ATP6V1E1: variants seen among roughly 807,000 people sequenced by gnomAD.
ATP6V1E1 encodes V-type proton ATPase subunit E 1.
ATP6V1E1 carries 21 observed loss-of-function variants against 35.2 expected under a neutral mutation model. The observed-to-expected ratio is 0.60, with a 90% CI of 0.42 to 0.86. The LOEUF is 0.86. Among genes scored for constraint, ATP6V1E1 ranks in the 40% least tolerant of loss-of-function variants. The pLI, the probability that ATP6V1E1 is intolerant of heterozygous loss-of-function variation, is 0.00. For missense variants in ATP6V1E1, 183 were observed against 272.6 expected (o/e 0.67, Z 2.32); for synonymous variants, 83 against 87.8 (o/e 0.95, Z 0.30).
chr22:17,607,856 A>C (rs1322248091), intron 4 of ATP6V1E1, among the ~76,000 whole-genome samples: 2 of 152,150 alleles, frequency 1.3e-5, no homozygotes, highest in African/African-American at 4.8e-5. Context: ...TTTTATGCCC[A>C]TTAAAGTTAG....
intron 4 of ATP6V1E1, among the ~76,000 whole-genome samples, chr22:17,610,846 A>T (rs989649191): frequency 6.6e-6 from 1 of 152,248 alleles, no homozygotes; most frequent in Admixed American, 6.5e-5. Flanking sequence ...GTGGAGACGG[A>T]GATGGGGTTG....
intron 1 of ATP6V1E1, among the ~76,000 whole-genome samples, chr22:17,622,524 G>C (rs1017727056): frequency 6.6e-6 from 1 of 152,184 alleles, no homozygotes; most frequent in African/African-American, 2.4e-5. Flanking sequence ...GGGAGGGATA[G>C]CATTAGGAGA....
intron 1 of ATP6V1E1, among the ~76,000 whole-genome samples, chr22:17,622,034 G>C (rs1168552321): frequency 6.6e-6 from 1 of 152,136 alleles, no homozygotes; most frequent in Non-Finnish European, 1.5e-5. Context: ...ATCATCTCTT[G>C]TGGCAGATAT....
At chr22:17,595,520 T>C (rs913733324) in intron 7 of ATP6V1E1, among the ~76,000 whole-genome samples, 3 of 152,198 alleles carry the variant, frequency 2.0e-5, no homozygotes, top group African/African-American at 4.8e-5. Flanking sequence ...CACGACTGCA[T>C]GTGTGTCTGA....
chr22:17,601,146 C>T lies in ATP6V1E1; in HGVS notation c.312G>A (p.Lys104=), dbSNP rs1327612981. Residue 104 remains lysine, a synonymous_variant, in exon 5 of 9, where the codon AAG becomes AAA. Transcript: ENST00000253413. The part of the protein sequence containing the change: ...LLNEAKQRLS[K]VVKDTTRYQV... ...GGTACCTGGTTGTATCTTTTACCACCTTGCTGAGTCTCTGTTTTGCTTCAT... is the reference window on the plus strand; with the variant it reads ...GGTACCTGGTTGTATCTTTTACCACTTTGCTGAGTCTCTGTTTTGCTTCAT... 2 of 1,613,610 alleles carry T rather than the reference C, an allele frequency of 1.2e-6. No homozygotes were observed. The highest frequency in any genetic ancestry group is 2.7e-5 in the African/African-American group (2 of 74,904).
chr22:17,623,608 T>C (rs1257564254), intron 1 of ATP6V1E1, among the ~76,000 whole-genome samples: 4 of 151,446 alleles, frequency 2.6e-5, no homozygotes, highest in South Asian at 2.1e-4. Context: ...GAGGTGGAGG[T>C]TGCAGCAAGC....
intron 3 of ATP6V1E1, 73 bp downstream of exon 3, chr22:17,613,138 G>T: frequency 2.3e-6 from 3 of 1,294,150 alleles, no homozygotes; most frequent in Non-Finnish European, 3.3e-6. Context: ...ATTTATATAT[G>T]CCTGACTCCA....
intron 2 of ATP6V1E1, among the ~76,000 whole-genome samples, chr22:17,613,961 T>C (rs2057829001): frequency 1.3e-5 from 2 of 149,542 alleles, no homozygotes; most frequent in South Asian, 2.1e-4. Flanking sequence ...AGCAGAACTC[T>C]GTCTCAAAAA....
chr22:17,602,305 A>C (rs984977109), intron 4 of ATP6V1E1, among the ~76,000 whole-genome samples: 1 of 152,184 alleles, frequency 6.6e-6, no homozygotes, highest in African/African-American at 2.4e-5. Flanking sequence ...CAGGAAACAA[A>C]TCTCATATGG....
At position 17,592,502 on chromosome 22, in the gene ATP6V1E1, A is replaced by T; in HGVS notation, c.*172T>A. The T allele has an allele frequency of 1.4e-6, 1 of 695,740 alleles. No individual in the cohort carries two copies. Among genetic ancestry groups the T allele is most frequent in the Non-Finnish European group, 2.5e-6 (1 of 408,068 alleles). The allele number at this position is 695,740 out of a possible 1,614,324, so 43.1% of individuals were successfully genotyped here. On this transcript the variant is annotated 3_prime_UTR_variant, in exon 9 of 9. Coordinates refer to ENST00000253413, the MANE Select transcript of ATP6V1E1 (RefSeq NM_001696.4). ...CTGATCATATTACATGAAGCTTTCC[A>T]CCATTGTGAACAATTAGGCAAGGCA...
chr22:17,616,261 T>C (rs554416037), intron 2 of ATP6V1E1, among the ~76,000 whole-genome samples: 4 of 152,212 alleles, frequency 2.6e-5, no homozygotes, highest in South Asian at 2.1e-4. Flanking sequence ...AGCAAGAGAA[T>C]TGCTTGAACC....
intron 5 of ATP6V1E1, 52 bp from the exon 6 acceptor site, chr22:17,600,147 G>C: frequency 6.5e-7 from 1 of 1,533,720 alleles, no homozygotes; most frequent in South Asian, 1.1e-5. Context: ...ATAAAATAAA[G>C]AAACAGGTCG....
At chr22:17,599,931 A>T in intron 6 of ATP6V1E1, 96 bp downstream of exon 6, 2 of 1,049,200 alleles carry the variant, frequency 1.9e-6, no homozygotes, top group Non-Finnish European at 2.8e-6. Flanking sequence ...ACCAAAAAAA[A>T]AAGAAAAGGA....
chr22:17,628,786 G>T, upstream of ATP6V1E1: 1 of 1,019,858 alleles, frequency 9.8e-7, no homozygotes, highest in Non-Finnish European at 1.5e-6. Context: ...TGACTGCACA[G>T]TTCATCCTCA....
At chr22:17,614,968 A>T (rs935064046) in intron 2 of ATP6V1E1, among the ~76,000 whole-genome samples, 10 of 150,852 alleles carry the variant, frequency 6.6e-5, no homozygotes, top group East Asian at 5.9e-4. Flanking sequence ...AAAAAAAAAA[A>T]TTTTTTTTCC....
chr22:17,600,279 A>G lies in ATP6V1E1; in HGVS notation c.367-184T>C, dbSNP rs893096253. Among the ~76,000 whole-genome samples the G allele has an allele frequency of 4.6e-5, 7 of 152,028 alleles. 1 individual carries two copies. Among genetic ancestry groups the G allele is most frequent in the South Asian group, 4.1e-4 (2 of 4,828 alleles). ...GCAAAACCCCATCTCTACTAAAAAT[A>G]CAAAAAATTAGCCTGGAATGATGGT... is the stretch of plus-strand genomic sequence containing the variant. On this transcript the variant is annotated intron_variant, in intron 5 of 8. Transcript: ENST00000253413.
chr22:17,612,723 A>C (rs2057821330), intron 4 of ATP6V1E1, 89 bp downstream of exon 4: 1 of 1,049,750 alleles, frequency 9.5e-7, no homozygotes, highest in Non-Finnish European at 1.4e-6. Flanking sequence ...TATTCAATCA[A>C]CTCCTTAATT....
At chr22:17,621,567 T>C (rs2057877751) in intron 1 of ATP6V1E1, among the ~76,000 whole-genome samples, 1 of 152,172 alleles carries the variant, frequency 6.6e-6, no homozygotes, top group African/African-American at 2.4e-5. Context: ...AGTGCTGGGA[T>C]TTCAGGTGTG....
At chr22:17,623,531 C>T (rs952332921) in intron 1 of ATP6V1E1, among the ~76,000 whole-genome samples, 5 of 151,862 alleles carry the variant, frequency 3.3e-5, no homozygotes, top group South Asian at 2.1e-4. Flanking sequence ...ATTAGCCAGG[C>T]GTGGTGGCGG....
Sources: allele counts gnomAD v4.1 joint callset (sites outside exome capture counted in the v4.1 genomes callset), GRCh38; gene constraint gnomAD v4.1.1; transcripts MANE v1.5; gene names NCBI Gene and HGNC (gene_info 2026-07-23, HGNC 2026-07-21).